Variants in WAC observed in about 807,000 individuals in gnomAD.
WAC encodes the protein WW domain containing adaptor with coiled-coil, also known as WW domain-containing adapter protein with coiled-coil.
WAC carries 11 observed loss-of-function variants against 79.6 expected under a neutral mutation model. That is an observed-to-expected ratio of 0.14 (90% CI 0.09 to 0.23). The LOEUF (loss-of-function observed/expected upper bound fraction) is 0.23. WAC is among the 10% of genes least tolerant of loss of function. WAC has a pLI of 1.00. For synonymous variants in WAC, 304 were observed against 276.9 expected, an observed-to-expected ratio of 1.10 and a Z score of -0.97; for missense variants, 728 against 773.5, an observed-to-expected ratio of 0.94 and a Z score of 0.70.
chr10:28,552,418 C>A (rs1041080684), intron 3 of WAC, among the ~76,000 whole-genome samples: 1 of 152,110 alleles, frequency 6.6e-6, no homozygotes, highest in Non-Finnish European at 1.5e-5. Context: ...AGATACTACT[C>A]CTCTTTCTAT....
intron 3 of WAC, among the ~76,000 whole-genome samples, chr10:28,560,474 C>T (rs1355566403): frequency 1.3e-5 from 2 of 152,040 alleles, no homozygotes; most frequent in Admixed American, 6.6e-5. Context: ...TGAAGAGAAT[C>T]GGGAATTTTG....
intron 4 of WAC, among the ~76,000 whole-genome samples, chr10:28,587,581 T>C (rs1291702337): frequency 6.6e-6 from 1 of 152,368 alleles, no homozygotes; most frequent in African/African-American, 2.4e-5. Flanking sequence ...TGCAGGCCTT[T>C]CGTTTAAGTC....
chr10:28,566,676 C>T (rs1014134007), intron 3 of WAC, among the ~76,000 whole-genome samples: 9 of 152,144 alleles, frequency 5.9e-5, no homozygotes, highest in African/African-American at 1.9e-4. Context: ...TACCATAAGA[C>T]ATTACTCCAT....
intron 3 of WAC, among the ~76,000 whole-genome samples, chr10:28,559,136 A>ATGTGTG (rs111740298): frequency 0.14 from 20,908 of 146,612 alleles, 1,740 homozygotes; most frequent in Non-Finnish European, 0.19. Flanking sequence ...GAGAAACCTG[A>ATGTGTG]TGTGTGTGTG....
intron 3 of WAC, among the ~76,000 whole-genome samples, chr10:28,545,253 A>G (rs2132380912): frequency 6.6e-6 from 1 of 152,114 alleles, no homozygotes; most frequent in East Asian, 1.9e-4. Flanking sequence ...GCATTTTGGG[A>G]GGCCGAGGAG....
In WAC at chr10:28,595,748, C is replaced by G; in HGVS notation, c.626C>G (p.Ser209Cys). ...GFASGMEDKH[S>C]SDASSLLPQN... ...TGAACTAAAGTGGAAGACAAGCATT[C>G]CAGTGATGCCAGTAGTTTGCTCCCA... is the stretch of plus-strand genomic sequence containing the variant. Residue 209 changes from serine to cysteine, a missense_variant, in exon 7 of 14, where the codon TCC (serine) becomes TGC (cysteine). Physicochemically the swap from Ser to Cys is moderately radical, Grantham distance 112 (BLOSUM62 -1). Around this residue, in one of 3 missense-constraint regions of WAC, gnomAD observed 648 missense variants for 661.5 expected, o/e 0.98. Transcript: ENST00000354911. 1 of 1,612,970 alleles carries G rather than the reference C, an allele frequency of 6.2e-7. No homozygotes were observed. The highest frequency in any genetic ancestry group is 8.5e-7 in the Non-Finnish European group (1 of 1,179,150).
intron 3 of WAC, among the ~76,000 whole-genome samples, chr10:28,568,813 C>A (rs549718032): frequency 6.6e-6 from 1 of 152,230 alleles, no homozygotes; most frequent in East Asian, 1.9e-4. Flanking sequence ...ACCTCATGAT[C>A]CGCCCACCTT....
chr10:28,534,355 C>T (rs903375849), intron 2 of WAC: 22 of 315,888 alleles, frequency 7.0e-5, no homozygotes, highest in African/African-American at 3.0e-4. Flanking sequence ...AGGTGACTTA[C>T]GAGGCTTATT....
At chr10:28,611,335 A>C in intron 9 of WAC, 1 of 1,294,226 alleles carries the variant, frequency 7.7e-7, no homozygotes, top group Non-Finnish European at 1.0e-6. Flanking sequence ...ACTTTGTCAG[A>C]AAGCTGATAA....
intron 8 of WAC, 140 bp from the exon 9 acceptor site, chr10:28,610,559 C>A: frequency 1.3e-6 from 1 of 790,254 alleles, no homozygotes. Context: ...TTGTATTACT[C>A]CTATCTAGTA....
At chr10:28,534,430 C>G (rs1274940626) in intron 2 of WAC, 9 of 187,210 alleles carry the variant, frequency 4.8e-5, no homozygotes, top group Non-Finnish European at 9.8e-5. Flanking sequence ...AAGTGAAGAA[C>G]TTGGGTAAAT....
Position 28,618,178 on chromosome 10 carries a change from T to C in WAC, c.1874+394T>C, listed in dbSNP as rs546093250. 3 of 158,200 alleles carry C rather than the reference T, an allele frequency of 1.9e-5. No individual in the cohort carries two copies. The Admixed American group carries it at 2.0e-4, about 10-fold the overall frequency. 9.8% of individuals were successfully genotyped at this position (158,200 alleles called of 1,614,324 possible). The stretch of plus-strand genomic sequence containing the variant: ...GAAAGAATTTGTCTAGCAAGTTTAG[T>C]GTATCTGCTGTCTTAGTATTTTTCA... On this transcript the variant is annotated intron_variant, in intron 13 of 13. Transcript: ENST00000354911.
chr10:28,548,825 C>T (rs978713272), intron 3 of WAC, among the ~76,000 whole-genome samples: 1 of 152,076 alleles, frequency 6.6e-6, no homozygotes, highest in South Asian at 2.1e-4. Context: ...CCACCAGCTA[C>T]GTGTATATTG....
intron 3 of WAC, among the ~76,000 whole-genome samples, chr10:28,574,130 T>G (rs1212153925): frequency 6.6e-6 from 1 of 152,176 alleles, no homozygotes; most frequent in African/African-American, 2.4e-5. Context: ...TTTTTGACTT[T>G]AAGAATAATG....
At chr10:28,552,845 C>CTTTTT (rs3029447) in intron 3 of WAC, among the ~76,000 whole-genome samples, 50 of 84,366 alleles carry the variant, frequency 5.9e-4, no homozygotes, top group Non-Finnish European at 7.3e-4. Context: ...CACTTGGCTG[C>CTTTTT]TTTTTTTTTT....
chr10:28,589,711 T>C, intron 4 of WAC, 25 bp from the exon 5 acceptor site: 1 of 1,468,458 alleles, frequency 6.8e-7, no homozygotes, highest in Non-Finnish European at 9.4e-7. Flanking sequence ...TAACATTTTC[T>C]AATTGTAAAA....
intron 10 of WAC, among the ~76,000 whole-genome samples, chr10:28,612,486 C>G (rs1025648924): frequency 6.6e-6 from 1 of 152,174 alleles, no homozygotes; most frequent in East Asian, 1.9e-4. Flanking sequence ...CAGAATCTTA[C>G]ATGGTTGGCT....
In WAC at chr10:28,619,655, T is replaced by G; in HGVS notation, c.*49T>G. On this transcript the variant is annotated 3_prime_UTR_variant, in exon 14 of 14. Transcript: ENST00000354911. The stretch of plus-strand genomic sequence containing the variant: ...TTTGAGAACAGGAACTGTAAATCTG[T>G]TGCCCAATCTTAACATTTTTGAGCT... 2.7e-6 allele frequency: 4 copies of G among 1,471,014 alleles called. No homozygotes were observed. Among genetic ancestry groups the G allele is most frequent in the Non-Finnish European group, 3.6e-6 (4 of 1,099,138 alleles). The allele number at this position is 1,471,014 out of a possible 1,614,324, so 91.1% of individuals were successfully genotyped here. A position where few individuals can be genotyped will look rare whatever the true frequency, so the allele number is the denominator to read the frequency against.
At chr10:28,611,400 AC>A in intron 9 of WAC, 1 of 1,303,406 alleles carries the variant, frequency 7.7e-7, no homozygotes, top group South Asian at 1.2e-5. Flanking sequence ...GACTCTTGCA[AC>A]CCTCTGGCTA....
Sources: gnomAD v4.1 joint callset for allele counts (sites outside exome capture counted in the v4.1 genomes callset) on GRCh38, gnomAD v4.1.1 for gene constraint, gnomAD v4.1.1 regional missense constraint, MANE v1.5 for transcripts, NCBI Gene and HGNC (gene_info 2026-07-23, HGNC 2026-07-21) for gene names.